The following PUM2 variants were observed in gnomAD, a reference collection of about 807,000 sequenced individuals.
PUM2 encodes the protein pumilio homolog 2.
PUM2 carries 57 observed loss-of-function variants against 124.5 expected under a neutral mutation model. That is an observed-to-expected ratio of 0.46 (90% CI 0.37 to 0.57). The LOEUF (loss-of-function observed/expected upper bound fraction) is 0.57, where lower values mean the gene tolerates loss of function less well. PUM2 is among the 20% of genes least tolerant of loss of function. PUM2 has a pLI of 0.00. For missense variants in PUM2, 1,065 were observed against 1,290.6 expected, an observed-to-expected ratio of 0.83 and a Z score of 2.68; for synonymous variants, 460 against 446.1, an observed-to-expected ratio of 1.03 and a Z score of -0.39.
chr2:20,269,610 A>G (rs1486522324), intron 13 of PUM2, among the ~76,000 whole-genome samples: 2 of 152,358 alleles, frequency 1.3e-5, no homozygotes, highest in Middle Eastern at 6.8e-3. Context: ...CTTCCACATC[A>G]TTTTAATAGG....
intron 14 of PUM2, among the ~76,000 whole-genome samples, chr2:20,262,986 T>A: frequency 6.6e-6 from 1 of 152,198 alleles, no homozygotes; most frequent in Non-Finnish European, 1.5e-5. Flanking sequence ...ATATTCTCAC[T>A]GTAAAAAACT....
Position 20,283,249 on chromosome 2 carries a change from G to A in PUM2, c.1436-18C>T. ...TGCTGCTGCTGTAAAATAAATTTCA[G>A]ATACTTCTTTAAACCACCCAGAAAA... On this transcript the variant is annotated intron_variant, in intron 11 of 20. Coordinates refer to ENST00000361078, the MANE Select transcript of PUM2 (RefSeq NM_015317.5). The A allele has an allele frequency of 6.2e-7, 1 of 1,609,696 alleles. No homozygotes were observed. Among genetic ancestry groups the A allele is most frequent in the Non-Finnish European group, 8.5e-7 (1 of 1,177,230 alleles).
At chr2:20,326,283 T>G (rs1683651899) in intron 2 of PUM2, 7 of 1,303,820 alleles carry the variant, frequency 5.4e-6, no homozygotes, top group Non-Finnish European at 7.1e-6. Context: ...CCTCTGAAAA[T>G]GACATACTCT....
At chr2:20,257,111 A>G (rs1312660747) in intron 16 of PUM2, among the ~76,000 whole-genome samples, 2 of 151,734 alleles carry the variant, frequency 1.3e-5, no homozygotes, top group Non-Finnish European at 2.9e-5. Context: ...AACTGTTTCA[A>G]CAAAGACTTA....
intron 1 of PUM2, among the ~76,000 whole-genome samples, chr2:20,339,203 T>C (rs1434537776): frequency 1.3e-5 from 2 of 152,210 alleles, no homozygotes; most frequent in South Asian, 2.1e-4. Context: ...ATATGTATCA[T>C]GACTTGCAAA....
At chr2:20,296,227 G>C (rs1245108114) in intron 8 of PUM2, among the ~76,000 whole-genome samples, 1 of 152,196 alleles carries the variant, frequency 6.6e-6, no homozygotes, top group Non-Finnish European at 1.5e-5. Flanking sequence ...CGGGCGCGGT[G>C]GCTCACGCCT....
intron 3 of PUM2, among the ~76,000 whole-genome samples, chr2:20,315,511 GACAA>G (rs1680674163): frequency 6.6e-6 from 1 of 152,044 alleles, no homozygotes; most frequent in South Asian, 2.1e-4. Context: ...TCTAGTAAAA[GACAA>G]ACACTCATCT....
intron 3 of PUM2, among the ~76,000 whole-genome samples, chr2:20,317,655 G>C (rs1461326335): frequency 6.6e-6 from 1 of 151,892 alleles, no homozygotes; most frequent in East Asian, 1.9e-4. Flanking sequence ...CATTACTCAG[G>C]TACTAAAAAA....
Position 20,260,385 on chromosome 2 carries a change from T to C in PUM2, c.2307A>G (p.Gln769=). The change falls in exon 15 of 21, where the codon CAA becomes CAG. Residue 769 remains glutamine, a synonymous_variant. Transcript: ENST00000361078. ...AGTTGCCAAAAACATCAGTCATTAA[T>C]TGATAGGCTGCTTGCAGAATTTCAT... ...VFNEILQAAY[Q]LMTDVFGNYV... 1 of 1,613,018 alleles carries C rather than the reference T, an allele frequency of 6.2e-7. No homozygotes were observed. Among genetic ancestry groups the C allele is most frequent in the East Asian group, 2.2e-5 (1 of 44,796 alleles).
intron 9 of PUM2, among the ~76,000 whole-genome samples, chr2:20,292,393 C>T (rs993610376): frequency 2.6e-5 from 4 of 151,706 alleles, no homozygotes; most frequent in African/African-American, 9.7e-5. Flanking sequence ...GACGAAGTCT[C>T]GCTCTATCAC....
intron 1 of PUM2, among the ~76,000 whole-genome samples, chr2:20,349,722 T>C (rs1688933646): frequency 1.3e-5 from 2 of 152,198 alleles, no homozygotes. Flanking sequence ...CAAGCATTTT[T>C]CTCATGTTTT....
chr2:20,296,474 A>G (rs550314477), intron 8 of PUM2, among the ~76,000 whole-genome samples: 57 of 150,678 alleles, frequency 3.8e-4, no homozygotes, highest in Middle Eastern at 6.8e-3. Flanking sequence ...CAGCCTGGGC[A>G]ACAGAGCGAG....
At chr2:20,291,187 G>A (rs939199193) in intron 9 of PUM2, among the ~76,000 whole-genome samples, 3 of 152,208 alleles carry the variant, frequency 2.0e-5, no homozygotes, top group Non-Finnish European at 4.4e-5. Flanking sequence ...CTGTGGCAGG[G>A]CCTGGAAGAC....
At chr2:20,280,225 G>C (rs1671192652) in intron 12 of PUM2, among the ~76,000 whole-genome samples, 1 of 152,090 alleles carries the variant, frequency 6.6e-6, no homozygotes, top group South Asian at 2.1e-4. Flanking sequence ...TTAGGCAAAA[G>C]ATTATAATGC....
At chr2:20,293,885 G>A (rs1182749329) in intron 9 of PUM2, among the ~76,000 whole-genome samples, 1 of 150,302 alleles carries the variant, frequency 6.7e-6, no homozygotes, top group African/African-American at 2.4e-5. Flanking sequence ...TTTTGAAAAA[G>A]GCTCAAAATT....
chr2:20,311,685 G>T, intron 4 of PUM2, 22 bp from the exon 5 acceptor site: 2 of 1,603,066 alleles, frequency 1.2e-6, no homozygotes, highest in South Asian at 2.3e-5. Flanking sequence ...GAATCTGTTT[G>T]ATTCTGAATA....
chr2:20,342,384 G>T (rs1455029208), intron 1 of PUM2, among the ~76,000 whole-genome samples: 1 of 152,160 alleles, frequency 6.6e-6, no homozygotes, highest in East Asian at 1.9e-4. Flanking sequence ...TCCTTTGCAA[G>T]CTCTGAGTAC....
intron 9 of PUM2, among the ~76,000 whole-genome samples, chr2:20,291,578 TTTTTTCTTC>T (rs1674093644): frequency 6.6e-6 from 1 of 152,226 alleles, no homozygotes; most frequent in Admixed American, 6.5e-5. Context: ...TGTACTTCCA[TTTTTTCTTC>T]TTTTTCTTTT....
In PUM2 at chr2:20,294,451, C is replaced by A. The variant is rs759197071; in HGVS notation, c.1077G>T (p.Gln359His). 2.5e-6 allele frequency: 4 copies of A among 1,614,086 alleles called. No individual in the cohort carries two copies. The South Asian group carries it at 4.4e-5, about 18-fold the overall frequency. The change falls in exon 9 of 21, where the codon CAG becomes CAT. Residue 359 changes from glutamine to histidine, a missense_variant. Physicochemically the swap from Gln to His is conservative, Grantham distance 24. Coordinates refer to ENST00000361078, the MANE Select transcript of PUM2 (RefSeq NM_015317.5). Reference protein sequence around the residue: ...PWGVYPANLFQQQAAAAANNT... With the variant: ...PWGVYPANLFHQQAAAAANNT... Reference sequence around the variant, plus strand: ...TATTTGCCGCAGCTGCAGCTTGCTGCTGAAATAAGTTGGCTGGATACACCC... The same window carrying A: ...TATTTGCCGCAGCTGCAGCTTGCTGATGAAATAAGTTGGCTGGATACACCC...
Sources: allele counts gnomAD v4.1 joint callset (sites outside exome capture counted in the v4.1 genomes callset), GRCh38; gene constraint gnomAD v4.1.1; transcripts MANE v1.5; gene names NCBI Gene and HGNC (gene_info 2026-07-23, HGNC 2026-07-21).